KCNIP4: variants seen among roughly 807,000 people sequenced by gnomAD.
KCNIP4 encodes the protein Kv channel-interacting protein 4.
Under a neutral mutation model 34.0 loss-of-function variants are expected in KCNIP4, and 12 were observed. The observed-to-expected ratio is 0.35, with a 90% CI of 0.23 to 0.57. The LOEUF (loss-of-function observed/expected upper bound fraction) is 0.57, where lower values mean the gene tolerates loss of function less well. KCNIP4 is among the 20% of genes least tolerant of loss of function. The pLI is 0.83. For missense variants in KCNIP4, 238 were observed against 311.7 expected (o/e 0.76, Z 1.78); for synonymous variants, 124 against 102.2 (o/e 1.21, Z -1.29).
intron 1 of KCNIP4, among the ~76,000 whole-genome samples, chr4:21,593,858 T>C (rs538656696): frequency 5.3e-5 from 8 of 152,258 alleles, no homozygotes; most frequent in Non-Finnish European, 1.0e-4. Flanking sequence ...AGTGCAAGAA[T>C]TGTCTGTTAC....
At chr4:20,784,065 T>C (rs1304565355) in intron 3 of KCNIP4, among the ~76,000 whole-genome samples, 2 of 152,196 alleles carry the variant, frequency 1.3e-5, no homozygotes, top group Non-Finnish European at 2.9e-5. Flanking sequence ...TAGTAAATGA[T>C]AAAACTCACA....
At chr4:21,246,048 A>T (rs975237437) in intron 1 of KCNIP4, among the ~76,000 whole-genome samples, 1 of 152,158 alleles carries the variant, frequency 6.6e-6, no homozygotes, top group African/African-American at 2.4e-5. Context: ...TTTAACTTAC[A>T]GAGCTGTACC....
intron 1 of KCNIP4, among the ~76,000 whole-genome samples, chr4:21,231,614 C>G (rs927582305): frequency 2.0e-5 from 3 of 152,048 alleles, no homozygotes; most frequent in African/African-American, 7.2e-5. Context: ...TACTCCTTTT[C>G]TGGTAGTAGT....
chr4:21,573,610 G>A (rs925780079), intron 1 of KCNIP4, among the ~76,000 whole-genome samples: 7 of 151,760 alleles, frequency 4.6e-5, no homozygotes, highest in Admixed American at 1.3e-4. Context: ...ATTTTCCTCT[G>A]AGCAATACCT....
rs7692327 is a variant in KCNIP4, at chr4:20,914,254, A to G, written c.62-31545T>C. Among the ~76,000 whole-genome samples the G allele has an allele frequency of 6.0e-3, 912 of 152,308 alleles. 13 individuals carry two copies. The highest frequency in any genetic ancestry group is 0.02 in the African/African-American group (838 of 41,576). On this transcript the variant is annotated intron_variant, in intron 1 of 8. Coordinates refer to ENST00000382152, the MANE Select transcript of KCNIP4 (RefSeq NM_025221.6). ...TAAAGCAATTGTTTTATCTATTATT[A>G]TGATCGCTATAAACATTCCCCTAAA...
chr4:20,968,180 T>C (rs1245067976), intron 1 of KCNIP4, among the ~76,000 whole-genome samples: 1 of 152,218 alleles, frequency 6.6e-6, no homozygotes, highest in Non-Finnish European at 1.5e-5. Context: ...GAAAAAATGC[T>C]CATCATCACT....
At chr4:21,632,073 C>T (rs1048277860) in intron 1 of KCNIP4, among the ~76,000 whole-genome samples, 1 of 152,108 alleles carries the variant, frequency 6.6e-6, no homozygotes. Context: ...ACAATTTTAC[C>T]TTTTTTTCCT....
At chr4:21,874,426 G>C (rs1393758620) in intron 1 of KCNIP4, among the ~76,000 whole-genome samples, 1 of 152,188 alleles carries the variant, frequency 6.6e-6, no homozygotes, top group South Asian at 2.1e-4. Context: ...CTGGCTTTCA[G>C]CTGGTTTGGG....
At chr4:21,534,975 C>G (rs907648689) in intron 1 of KCNIP4, among the ~76,000 whole-genome samples, 3 of 152,112 alleles carry the variant, frequency 2.0e-5, no homozygotes, top group Non-Finnish European at 2.9e-5. Context: ...TTCCTCTCCA[C>G]TCAATTCCAT....
chr4:20,729,949 T>G lies in KCNIP4; in HGVS notation c.*133A>C, dbSNP rs1037832409. The G allele has an allele frequency of 1.0e-5, 11 of 1,095,010 alleles. No individual in the cohort carries two copies. The Admixed American group carries it at 1.3e-4, about 13-fold the overall frequency. The allele number at this position is 1,095,010 out of a possible 1,614,324, so 67.8% of individuals were successfully genotyped here. A position where few individuals can be genotyped will look rare whatever the true frequency, so the allele number is the denominator to read the frequency against. ...CAAATCTTTTGGGGATTGCTTTATA[T>G]TAAAACAAAGCTTGTTTGCATAATA... On this transcript the variant is annotated 3_prime_UTR_variant, in exon 9 of 9. Coordinates refer to ENST00000382152, the MANE Select transcript of KCNIP4 (RefSeq NM_025221.6).
chr4:20,862,350 A>T (rs1385964814), intron 2 of KCNIP4, among the ~76,000 whole-genome samples: 4 of 152,128 alleles, frequency 2.6e-5, no homozygotes, highest in Non-Finnish European at 5.9e-5. Flanking sequence ...AAAAACAAAA[A>T]TTATACTGCC....
chr4:20,749,444 TTG>T (rs1269920494), intron 5 of KCNIP4, among the ~76,000 whole-genome samples: 1 of 152,204 alleles, frequency 6.6e-6, no homozygotes, highest in Admixed American at 6.5e-5. Context: ...TGGACTCTCC[TTG>T]TATGAGCCGA....
At chr4:21,196,947 A>G (rs1024219502) in intron 1 of KCNIP4, among the ~76,000 whole-genome samples, 4 of 151,978 alleles carry the variant, frequency 2.6e-5, no homozygotes, top group Non-Finnish European at 5.9e-5. Flanking sequence ...CCTTCTTCCC[A>G]CTCAATCTCT....
chr4:21,235,368 T>A (rs768923800), intron 1 of KCNIP4, among the ~76,000 whole-genome samples: 3 of 152,166 alleles, frequency 2.0e-5, no homozygotes, highest in Non-Finnish European at 4.4e-5. Context: ...CCTCCACTCT[T>A]ATGCTCACAC....
chr4:21,303,194 C>A (rs1003421981), intron 1 of KCNIP4, among the ~76,000 whole-genome samples: 1 of 152,032 alleles, frequency 6.6e-6, no homozygotes, highest in Non-Finnish European at 1.5e-5. Flanking sequence ...ACATAAACAG[C>A]AATACTTGAA....
chr4:21,570,594 G>A (rs1203329241), intron 1 of KCNIP4, among the ~76,000 whole-genome samples: 1 of 152,168 alleles, frequency 6.6e-6, no homozygotes, highest in East Asian at 1.9e-4. Flanking sequence ...ATCCATATGG[G>A]AGAAGGATAT....
intron 1 of KCNIP4, among the ~76,000 whole-genome samples, chr4:21,126,349 T>C (rs1435543780): frequency 6.6e-6 from 1 of 152,146 alleles, no homozygotes; most frequent in Non-Finnish European, 1.5e-5. Flanking sequence ...TGGCATTGTG[T>C]TTGTTTCACA....
chr4:21,936,909 G>A (rs550398715), intron 1 of KCNIP4, among the ~76,000 whole-genome samples: 5 of 152,030 alleles, frequency 3.3e-5, no homozygotes, highest in Middle Eastern at 3.4e-3. Flanking sequence ...GGTATAACAC[G>A]TTTCCCTGGT....
chr4:21,879,822 G>A (rs1170201776), intron 1 of KCNIP4, among the ~76,000 whole-genome samples: 2 of 151,956 alleles, frequency 1.3e-5, no homozygotes, highest in East Asian at 1.9e-4. Flanking sequence ...GAAGGGACCC[G>A]GTGGGAGGTA....
Sources: gnomAD v4.1 joint callset for allele counts (sites outside exome capture counted in the v4.1 genomes callset) on GRCh38, gnomAD v4.1.1 for gene constraint, MANE v1.5 for transcripts, NCBI Gene and HGNC (gene_info 2026-07-23, HGNC 2026-07-21) for gene names.